LRRC7: variants seen among roughly 807,000 people sequenced by gnomAD.
The protein encoded by LRRC7 is leucine-rich repeat-containing protein 7.
A neutral mutation model predicts 175.7 loss-of-function variants in LRRC7; 23 were observed. The ratio of observed to expected loss-of-function variants is 0.13; its 90% CI spans 0.09 to 0.19. The LOEUF (loss-of-function observed/expected upper bound fraction) is 0.19. LRRC7 is among the 10% of genes least tolerant of loss of function. LRRC7 has a pLI of 1.00. For synonymous variants in LRRC7, 685 were observed against 680.9 expected (o/e 1.01, Z -0.09); for missense variants, 1,354 against 1,904.7 (o/e 0.71, Z 5.38).
intron 3 of LRRC7, among the ~76,000 whole-genome samples, chr1:69,788,768 T>C (rs973259418): frequency 6.6e-6 from 1 of 152,180 alleles, no homozygotes; most frequent in Admixed American, 6.5e-5. Flanking sequence ...TAAAATCTGG[T>C]ACAGATATCC....
chr1:70,130,490 A>T lies in LRRC7; in HGVS notation c.*8603A>T, dbSNP rs1040417195. Among the ~76,000 whole-genome samples, 6 of 152,132 alleles carry T rather than the reference A, an allele frequency of 3.9e-5. No individual in the cohort carries two copies. The highest frequency in any genetic ancestry group is 1.2e-4 in the African/African-American group (5 of 41,426). On this transcript the variant is annotated 3_prime_UTR_variant, in exon 27 of 27. Coordinates refer to ENST00000651989, the MANE Select transcript of LRRC7 (RefSeq NM_001370785.2). ...GACTCAAAATTCCCAGTTAAAAAAA[A>T]TTTCTCCTTTTTAAATCAGTCTTCC...
intron 1 of LRRC7, among the ~76,000 whole-genome samples, chr1:69,577,361 T>G (rs1234823253): frequency 1.3e-5 from 2 of 152,226 alleles, no homozygotes; most frequent in Non-Finnish European, 2.9e-5. Flanking sequence ...TTTCTTTTGC[T>G]GTGCAGAAGC....
At chr1:70,005,753 C>T (rs1365409118) in intron 11 of LRRC7, among the ~76,000 whole-genome samples, 1 of 152,034 alleles carries the variant, frequency 6.6e-6, no homozygotes, top group African/African-American at 2.4e-5. Context: ...TTGTGTGGCC[C>T]CTGCACTGGC....
chr1:69,821,919 G>C (rs1305427268), intron 4 of LRRC7, among the ~76,000 whole-genome samples: 2 of 151,964 alleles, frequency 1.3e-5, no homozygotes, highest in Non-Finnish European at 2.9e-5. Flanking sequence ...TTATTTTGGT[G>C]GTGTCATATT....
chr1:69,918,330 G>T (rs775386928), intron 7 of LRRC7, among the ~76,000 whole-genome samples: 2 of 152,172 alleles, frequency 1.3e-5, no homozygotes, highest in African/African-American at 2.4e-5. Context: ...AAAGAAGCAC[G>T]TTATAGGAAT....
chr1:69,890,311 A>C lies in LRRC7; in HGVS notation c.648-41196A>C, dbSNP rs189878639. 1.3e-3 allele frequency among the ~76,000 whole-genome samples: 199 copies of C among 152,344 alleles called. 4 individuals are homozygous for C. In the East Asian group the frequency reaches 0.035, roughly 26 times the overall value. On this transcript the variant is annotated intron_variant, in intron 7 of 26. Transcript: ENST00000651989. ...GGCATAAAAACAACACTAATCTTGT[A>C]AATCTCCTTGGGAGCTTTTGGGTGA...
intron 1 of LRRC7, among the ~76,000 whole-genome samples, chr1:69,581,548 C>T (rs560483104): frequency 1.3e-5 from 2 of 152,114 alleles, no homozygotes; most frequent in East Asian, 1.9e-4. Context: ...CTAATTTATC[C>T]GTGTATAACT....
intron 25 of LRRC7, among the ~76,000 whole-genome samples, chr1:70,093,267 T>C (rs1371667124): frequency 6.6e-6 from 1 of 152,156 alleles, no homozygotes. Context: ...ATAATGGCCT[T>C]TTATTGAGTA....
In LRRC7 at chr1:70,057,585, C is replaced by G. The variant is rs573033338; in HGVS notation, c.4230+4440C>G. ...TCCAATTTGAGTCTATTTCTCCAAG[C>G]CTCTGTAGATTTTTTTTTTTTAATC... On this transcript the variant is annotated intron_variant, in intron 23 of 26. Coordinates refer to ENST00000651989, the MANE Select transcript of LRRC7 (RefSeq NM_001370785.2). 7.9e-5 allele frequency among the ~76,000 whole-genome samples: 12 copies of G among 151,932 alleles called. No individual in the cohort carries two copies. In the South Asian group the frequency reaches 2.1e-3, roughly 26 times the overall value.
chr1:70,105,394 G>A (rs12136628), intron 25 of LRRC7, among the ~76,000 whole-genome samples: 22,827 of 151,744 alleles, frequency 0.15, 2,075 homozygotes, highest in Non-Finnish European at 0.21. Context: ...AGAAAAATAA[G>A]AAAACACAAA....
intron 7 of LRRC7, among the ~76,000 whole-genome samples, chr1:69,903,431 C>T (rs1400575610): frequency 6.6e-6 from 1 of 152,152 alleles, no homozygotes; most frequent in Non-Finnish European, 1.5e-5. Context: ...CCGTGAGGGA[C>T]GGTGCACTCT....
intron 3 of LRRC7, among the ~76,000 whole-genome samples, chr1:69,785,363 A>G (rs1674283909): frequency 6.6e-6 from 1 of 152,114 alleles, no homozygotes; most frequent in South Asian, 2.1e-4. Context: ...TAATTTTGAC[A>G]GTTTTACAAC....
chr1:69,627,281 T>C (rs905546930), intron 1 of LRRC7, among the ~76,000 whole-genome samples: 1 of 152,210 alleles, frequency 6.6e-6, no homozygotes, highest in Admixed American at 6.5e-5. Context: ...TGGTGTGAGA[T>C]GATATCTCAT....
At position 70,001,057 on chromosome 1, in the gene LRRC7, G is replaced by C. The variant is rs144853232; in HGVS notation, c.1004+6424G>C. ...TTTTGTCATCTCATTATTTTATTCTGTCTCATAATGTATATACCTCACCTC... is the reference window on the plus strand; with the variant it reads ...TTTTGTCATCTCATTATTTTATTCTCTCTCATAATGTATATACCTCACCTC... On this transcript the variant is annotated intron_variant, in intron 11 of 26. Transcript: ENST00000651989. Among the ~76,000 whole-genome samples the C allele has an allele frequency of 2.4e-4, 37 of 151,912 alleles. No individual in the cohort carries two copies. In the East Asian group the frequency reaches 6.4e-3, roughly 26 times the overall value.
chr1:69,830,025 A>T (rs970425405), intron 5 of LRRC7, among the ~76,000 whole-genome samples: 3 of 151,844 alleles, frequency 2.0e-5, no homozygotes, highest in Non-Finnish European at 4.4e-5. Context: ...TTAAACTTTT[A>T]GATACATTAT....
intron 7 of LRRC7, among the ~76,000 whole-genome samples, chr1:69,838,631 T>C (rs1034511375): frequency 2.0e-5 from 3 of 151,932 alleles, no homozygotes; most frequent in African/African-American, 7.2e-5. Flanking sequence ...TGCTTAATTC[T>C]TCAAGTTAAT....
At chr1:69,905,526 C>T (rs571028051) in intron 7 of LRRC7, among the ~76,000 whole-genome samples, 8 of 152,094 alleles carry the variant, frequency 5.3e-5, no homozygotes, top group South Asian at 2.1e-4. Context: ...TTTGTCCTTG[C>T]GAGAGTTTGC....
intron 8 of LRRC7, among the ~76,000 whole-genome samples, chr1:69,934,084 A>G (rs1044085352): frequency 5.9e-5 from 9 of 152,168 alleles, no homozygotes; most frequent in Admixed American, 5.2e-4. Flanking sequence ...TGTTGTTGTA[A>G]CAGTAACAAC....
intron 1 of LRRC7, among the ~76,000 whole-genome samples, chr1:69,604,853 TTAC>T (rs1647275299): frequency 6.6e-6 from 1 of 152,148 alleles, no homozygotes; most frequent in South Asian, 2.1e-4. Flanking sequence ...GTTAAGCTAT[TTAC>T]TACTAATGAC....
Sources: allele counts gnomAD v4.1 joint callset (sites outside exome capture counted in the v4.1 genomes callset), GRCh38; gene constraint gnomAD v4.1.1; transcripts MANE v1.5; gene names NCBI Gene and HGNC (gene_info 2026-07-23, HGNC 2026-07-21).